The following PROM1 variants were observed in gnomAD, a reference collection of about 807,000 sequenced individuals.
PROM1 encodes the protein prominin-1.
PROM1 carries 105 observed loss-of-function variants against 116.9 expected under a neutral mutation model. The ratio of observed to expected loss-of-function variants is 0.90; its 90% CI spans 0.77 to 1.06. PROM1 has a LOEUF of 1.06. Among genes scored for constraint, PROM1 ranks in the 50% least tolerant of loss-of-function variants. PROM1 has a pLI of 0.00. For synonymous variants in PROM1, 393 were observed against 387.0 expected (o/e 1.02, Z -0.18); for missense variants, 1,122 against 1,045.2 (o/e 1.07, Z -1.01).
chr4:16,063,680 C>CA (rs1237790188), intron 2 of PROM1, among the ~76,000 whole-genome samples: 87 of 151,864 alleles, frequency 5.7e-4, no homozygotes, highest in East Asian at 7.7e-4. Context: ...CTGATTCAAA[C>CA]AAAAAAAACT....
intron 13 of PROM1, 99 bp downstream of exon 13, chr4:16,006,439 G>A (rs1045481125): frequency 1.5e-5 from 20 of 1,363,588 alleles, no homozygotes; most frequent in East Asian, 2.6e-5. Context: ...CCCCGCGTAC[G>A]TGGCCCAGAG....
chr4:15,990,305 C>A (rs554862534), intron 18 of PROM1, among the ~76,000 whole-genome samples: 1 of 152,324 alleles, frequency 6.6e-6, no homozygotes, highest in East Asian at 1.9e-4. Context: ...AGACCCAGGT[C>A]TTCTTCAAGA....
intron 26 of PROM1, among the ~76,000 whole-genome samples, chr4:15,974,782 A>T (rs1460002833): frequency 6.6e-6 from 1 of 152,128 alleles, no homozygotes; most frequent in African/African-American, 2.4e-5. Flanking sequence ...AGTCTTTTCT[A>T]GAATAGCCTA....
chr4:16,048,387 T>G (rs994959717), intron 2 of PROM1, among the ~76,000 whole-genome samples: 3 of 152,208 alleles, frequency 2.0e-5, no homozygotes, highest in African/African-American at 7.2e-5. Context: ...ACTTTTCAGT[T>G]TCTCAGAGCA....
rs1173960481 is a variant in PROM1, at chr4:16,059,619, G to A, written c.220+16068C>T. Among the ~76,000 whole-genome samples, 3 of 152,160 alleles carry A rather than the reference G, an allele frequency of 2.0e-5. No homozygotes were observed. In the East Asian group the frequency reaches 5.8e-4, roughly 29 times the overall value. On this transcript the variant is annotated intron_variant, in intron 2 of 27. Coordinates refer to ENST00000447510, the MANE Select transcript of PROM1 (RefSeq NM_006017.3). ...CTGGAGAGGCTAAGGTGGGAGGATC[G>A]CCTAAGCCCAGGAGGTGGAGGCTGC...
At chr4:16,031,724 A>G (rs1732737953) in intron 5 of PROM1, among the ~76,000 whole-genome samples, 1 of 152,202 alleles carries the variant, frequency 6.6e-6, no homozygotes, top group Non-Finnish European at 1.5e-5. Context: ...TCATGGAGAC[A>G]AAACAAGTAA....
chr4:15,987,308 G>A (rs1259274562), intron 20 of PROM1, among the ~76,000 whole-genome samples: 1 of 152,220 alleles, frequency 6.6e-6, no homozygotes, highest in African/African-American at 2.4e-5. Flanking sequence ...GAAGCCTGCT[G>A]TCAAACCAGC....
chr4:16,019,597 T>C (rs772308667), intron 8 of PROM1, among the ~76,000 whole-genome samples: 1 of 152,320 alleles, frequency 6.6e-6, no homozygotes, highest in African/African-American at 2.4e-5. Context: ...GAGCTACCTA[T>C]ACATGACTAG....
At position 16,020,060 on chromosome 4, in the gene PROM1, G is replaced by A. The variant is rs890749078; in HGVS notation, c.785-1520C>T. 3.0e-4 allele frequency among the ~76,000 whole-genome samples: 45 copies of A among 152,158 alleles called. 1 individual carries two copies. The highest frequency in any genetic ancestry group is 3.9e-4 in the Admixed American group (6 of 15,278). ...GTGTTGGGTCACCTCCTGGTTACTA[G>A]AAGAGTCTGATTCCAGGTTGTGCCC... On this transcript the variant is annotated intron_variant, in intron 8 of 27. Transcript: ENST00000447510.
chr4:16,029,903 A>G (rs557597349), intron 5 of PROM1, among the ~76,000 whole-genome samples: 2 of 152,166 alleles, frequency 1.3e-5, no homozygotes. Flanking sequence ...TAAACAAGAG[A>G]GAGTCCACTC....
At position 16,054,868 on chromosome 4, in the gene PROM1, A is replaced by G. The variant is rs1738647473; in HGVS notation, c.221-15867T>C. On this transcript the variant is annotated intron_variant, in intron 2 of 27. Transcript: ENST00000447510. ...TACTCGAGTTCCGGGGGGGAAAAAA[A>G]TCATCCCTATCCTCAAAGTTAAATG... 5.3e-5 allele frequency among the ~76,000 whole-genome samples: 8 copies of G among 152,110 alleles called. 1 individual carries two copies. In the South Asian group the frequency reaches 1.5e-3, roughly 28 times the overall value.
chr4:16,000,544 A>T lies in PROM1; in HGVS notation c.1530T>A (p.Asn510Lys). The change falls in exon 14 of 28, where the codon AAT becomes AAA. Residue 510 changes from asparagine (N) to lysine (K), a missense_variant. Physicochemically the swap from Asn to Lys is moderately conservative, Grantham distance 94 (BLOSUM62 0). Transcript: ENST00000447510. ...IVVLTFVFGA[N>K]VEKLICEPYT... is the part of the protein sequence containing the mutation. The stretch of plus-strand genomic sequence containing the variant: ...AAGGTTCACAGATCAGTTTTTCCAC[A>T]TTTGCACCAAAGACAAAGGTAAGAA... 6.3e-7 allele frequency: 1 copy of T among 1,594,070 alleles called. No homozygotes were observed. Among genetic ancestry groups the T allele is most frequent in the Non-Finnish European group, 8.6e-7 (1 of 1,162,208 alleles).
intron 27 of PROM1, among the ~76,000 whole-genome samples, chr4:15,969,939 T>G (rs1713994233): frequency 1.3e-5 from 2 of 151,800 alleles, no homozygotes; most frequent in South Asian, 4.2e-4. Flanking sequence ...TCTATATTTT[T>G]GTTTGTTTGT....
At chr4:16,023,695 C>T (rs1056571002) in intron 7 of PROM1, among the ~76,000 whole-genome samples, 2 of 152,190 alleles carry the variant, frequency 1.3e-5, no homozygotes, top group African/African-American at 4.8e-5. Flanking sequence ...TTCGGCTAGA[C>T]CAGAGTTCGC....
rs1300457356 is a variant in PROM1, at chr4:16,004,894, C to CCT, written c.1454+1642_1454+1643dup. On this transcript the variant is annotated intron_variant, in intron 13 of 27. Coordinates refer to ENST00000447510, the MANE Select transcript of PROM1 (RefSeq NM_006017.3). ...CTCCCTCTCTCTCTCTCTCCCTCCCCCTCTCTCTCTCCCTTCCTTCCTTCC... is the reference window on the plus strand; with the variant it reads ...CTCCCTCTCTCTCTCTCTCCCTCCCCCTCTCTCTCTCTCCCTTCCTTCCTTCC... Among the ~76,000 whole-genome samples the CCT allele has an allele frequency of 6.9e-3, 681 of 98,464 alleles. 4 individuals carry two copies. The highest frequency in any genetic ancestry group is 0.012 in the African/African-American group (297 of 25,136). 64.6% of individuals were successfully genotyped at this position (98,464 alleles called of 152,430 possible).
intron 2 of PROM1, among the ~76,000 whole-genome samples, chr4:16,050,316 GT>G (rs1321932952): frequency 6.6e-6 from 1 of 151,726 alleles, no homozygotes; most frequent in African/African-American, 2.4e-5. Context: ...TCTTGCTTCA[GT>G]TTTAGAATTC....
chr4:16,051,157 C>G (rs754100046), intron 2 of PROM1, among the ~76,000 whole-genome samples: 1 of 152,116 alleles, frequency 6.6e-6, no homozygotes, highest in Non-Finnish European at 1.5e-5. Flanking sequence ...GGAAAAAACT[C>G]CAGGGACAGG....
At chr4:16,080,256 C>G (rs1578353972) in intron 1 of PROM1, among the ~76,000 whole-genome samples, 1 of 151,644 alleles carries the variant, frequency 6.6e-6, no homozygotes, top group South Asian at 2.1e-4. Flanking sequence ...CGTGGTGGCT[C>G]AAGCCTGTAA....
chr4:15,998,302 T>C (rs1311030922), intron 15 of PROM1, 83 bp downstream of exon 15: 1 of 1,452,736 alleles, frequency 6.9e-7, no homozygotes. Flanking sequence ...ATAATTAAGA[T>C]TTAAAAACAC....
Sources: gnomAD v4.1 joint callset for allele counts (sites outside exome capture counted in the v4.1 genomes callset) on GRCh38, gnomAD v4.1.1 for gene constraint, MANE v1.5 for transcripts, NCBI Gene and HGNC (gene_info 2026-07-23, HGNC 2026-07-21) for gene names.